The following NBAS variants were observed in gnomAD, a reference collection of about 807,000 sequenced individuals.
NBAS encodes NAG/BC035112 fusion.
NBAS carries 219 observed loss-of-function variants against 302.5 expected under a neutral mutation model. The observed-to-expected ratio is 0.72, with a 90% CI of 0.65 to 0.81. NBAS has a LOEUF of 0.81. NBAS is among the 30% of genes least tolerant of loss of function. NBAS has a pLI of 0.00. For synonymous variants in NBAS, 1,118 were observed against 1,021.6 expected (o/e 1.09, Z -1.80); for missense variants, 2,932 against 2,841.6 (o/e 1.03, Z -0.72).
chr2:15,322,293 C>T (rs906067903), intron 38 of NBAS, among the ~76,000 whole-genome samples: 8 of 151,872 alleles, frequency 5.3e-5, no homozygotes, highest in Admixed American at 2.0e-4. Flanking sequence ...ATGTAAATGA[C>T]GAGTTGATGG....
intron 8 of NBAS, among the ~76,000 whole-genome samples, chr2:15,536,021 A>C (rs1309171680): frequency 3.3e-5 from 5 of 152,238 alleles, no homozygotes; most frequent in African/African-American, 9.6e-5. Flanking sequence ...CGCATTTGTC[A>C]TAACTCACCA....
intron 51 of NBAS, among the ~76,000 whole-genome samples, chr2:15,176,072 G>A (rs1196766395): frequency 6.6e-6 from 1 of 152,128 alleles, no homozygotes. Context: ...CCTGCTAATG[G>A]ACACGGTGAA....
At chr2:15,155,925 C>T in the NBAS span, among the ~76,000 whole-genome samples, 8 of 152,274 alleles carry the variant, frequency 5.3e-5, no homozygotes, top group Admixed American at 1.3e-4. Context: ...CCAAGGCTCA[C>T]AGAAGGCTTA....
chr2:14,785,143 T>C, the NBAS span, among the ~76,000 whole-genome samples: 1 of 152,202 alleles, frequency 6.6e-6, no homozygotes, highest in Non-Finnish European at 1.5e-5. Context: ...TGTATAAGAA[T>C]GCTTGTGATT....
chr2:15,408,203 CAT>C (rs1405094217), intron 25 of NBAS, among the ~76,000 whole-genome samples: 1 of 152,170 alleles, frequency 6.6e-6, no homozygotes, highest in Admixed American at 6.5e-5. Context: ...CTACCTACCA[CAT>C]GTGCTATACT....
chr2:15,037,985 A>G, the NBAS span, among the ~76,000 whole-genome samples: 1 of 152,010 alleles, frequency 6.6e-6, no homozygotes, highest in Non-Finnish European at 1.5e-5. Flanking sequence ...CCAGCCTCAA[A>G]TTGGATACAC....
intron 21 of NBAS, among the ~76,000 whole-genome samples, chr2:15,438,394 A>G (rs1045506239): frequency 2.0e-5 from 3 of 152,216 alleles, no homozygotes; most frequent in Admixed American, 2.0e-4. Context: ...CTAATAAAAG[A>G]TCAGCTCAGG....
chr2:15,412,347 A>G (rs1205203239), intron 25 of NBAS, among the ~76,000 whole-genome samples: 3 of 152,208 alleles, frequency 2.0e-5, no homozygotes, highest in African/African-American at 7.2e-5. Context: ...TCCCTATGCC[A>G]CAAGAGAGAA....
At chr2:14,897,789 G>GT in the NBAS span, among the ~76,000 whole-genome samples, 1 of 152,168 alleles carries the variant, frequency 6.6e-6, no homozygotes, top group Admixed American at 6.5e-5. Context: ...GAGATGACAA[G>GT]TTTATTAAGA....
At chr2:14,895,687 C>T in the NBAS span, among the ~76,000 whole-genome samples, 1 of 150,976 alleles carries the variant, frequency 6.6e-6, no homozygotes, top group Non-Finnish European at 1.5e-5. Flanking sequence ...TTGCAGTGAG[C>T]TGAGATCGCG....
the NBAS span, among the ~76,000 whole-genome samples, chr2:14,785,393 G>A: frequency 6.6e-6 from 1 of 152,140 alleles, no homozygotes; most frequent in African/African-American, 2.4e-5. Context: ...TCCCTGTGTT[G>A]TGCCAGTTTT....
chr2:15,553,273 C>A (rs1329348807), intron 5 of NBAS, among the ~76,000 whole-genome samples, 153 bp downstream of exon 5: 1 of 152,156 alleles, frequency 6.6e-6, no homozygotes, highest in Non-Finnish European at 1.5e-5. Flanking sequence ...AATTTTTTAA[C>A]TGGCGTAAGT....
At position 15,468,345 on chromosome 2, in the gene NBAS, C is replaced by T. The variant is rs1203179405; in HGVS notation, c.1877+37G>A. 3.5e-5 allele frequency: 56 copies of T among 1,611,852 alleles called. 1 individual carries two copies. In the East Asian group the frequency reaches 1.2e-3, roughly 36 times the overall value. On this transcript the variant is annotated intron_variant, in intron 17 of 51. Coordinates refer to ENST00000281513, the MANE Select transcript of NBAS (RefSeq NM_015909.4). ...CTCAGTACAAAAGTTTTCACAAAGTCACCTTTACTTTGAATCCAATTCTTT... is the reference window on the plus strand; with the variant it reads ...CTCAGTACAAAAGTTTTCACAAAGTTACCTTTACTTTGAATCCAATTCTTT...
At chr2:14,798,135 T>C in the NBAS span, among the ~76,000 whole-genome samples, 1 of 152,116 alleles carries the variant, frequency 6.6e-6, no homozygotes, top group African/African-American at 2.4e-5. Flanking sequence ...ACAATGCAAA[T>C]AGAAGTGAAG....
At chr2:15,004,729 G>A in the NBAS span, among the ~76,000 whole-genome samples, 6 of 136,370 alleles carry the variant, frequency 4.4e-5, no homozygotes, top group Admixed American at 8.4e-5. Context: ...AGCTAGCCTC[G>A]AACTTCTGAA....
At chr2:14,806,651 T>C in the NBAS span, among the ~76,000 whole-genome samples, 1 of 152,180 alleles carries the variant, frequency 6.6e-6, no homozygotes, top group Non-Finnish European at 1.5e-5. Flanking sequence ...GAAAACCCAA[T>C]TTTAGCCAAA....
At chr2:15,067,159 C>CAAAAAAAAAAAA in the NBAS span, among the ~76,000 whole-genome samples, 1 of 93,344 alleles carries the variant, frequency 1.1e-5, no homozygotes, top group Non-Finnish European at 2.0e-5. Flanking sequence ...CTTATCTCCA[C>CAAAAAAAAAAAA]AAAAAAAAAA....
the NBAS span, among the ~76,000 whole-genome samples, chr2:14,803,086 C>G: frequency 6.6e-6 from 1 of 152,162 alleles, no homozygotes. Flanking sequence ...CACTTTTAAG[C>G]TTTCTTTTTA....
Position 15,474,165 on chromosome 2 carries a change from G to C in NBAS, c.1501C>G (p.Arg501Gly), listed in dbSNP as rs759960319. 2 of 1,614,070 alleles carry C rather than the reference G, an allele frequency of 1.2e-6. No homozygotes were observed. Among genetic ancestry groups the C allele is most frequent in the Non-Finnish European group, 8.5e-7 (1 of 1,180,004 alleles). The change falls in exon 15 of 52, where the codon CGA becomes GGA. Residue 501 changes from arginine to glycine, a missense_variant. By Grantham distance (125) the Arg-to-Gly change is moderately radical. Coordinates refer to ENST00000281513, the MANE Select transcript of NBAS (RefSeq NM_015909.4). ...GGGCGTTTCCGTGGTGGTGCAAATC[G>C]CTCCATTTCAGTCACCAAGTAAAGG... is the stretch of plus-strand genomic sequence containing the variant. ...QGLYLVTEME[R>G]FAPPRKRPRT... is the part of the protein sequence containing the mutation.
Sources: allele counts gnomAD v4.1 joint callset (sites outside exome capture counted in the v4.1 genomes callset), GRCh38; gene constraint gnomAD v4.1.1; transcripts MANE v1.5; gene names NCBI Gene and HGNC (gene_info 2026-07-23, HGNC 2026-07-21).